SEMA5B: variants seen among roughly 807,000 people sequenced by gnomAD.
SEMA5B encodes the protein semaphorin-5B.
SEMA5B carries 66 observed loss-of-function variants against 135.0 expected under a neutral mutation model. The observed-to-expected ratio is 0.49, with a 90% CI of 0.40 to 0.60. The LOEUF is 0.60. Among genes scored for constraint, SEMA5B ranks in the 20% least tolerant of loss-of-function variants. The pLI, the probability that SEMA5B is intolerant of heterozygous loss-of-function variation, is 0.00. For synonymous variants in SEMA5B, 690 were observed against 639.5 expected, an observed-to-expected ratio of 1.08 and a Z score of -1.19; for missense variants, 1,501 against 1,566.3, an observed-to-expected ratio of 0.96 and a Z score of 0.70.
intron 1 of SEMA5B, among the ~76,000 whole-genome samples, chr3:123,022,956 A>T (rs1262033846): frequency 1.3e-5 from 2 of 152,186 alleles, no homozygotes; most frequent in African/African-American, 4.8e-5. Flanking sequence ...ATTGGAGGAG[A>T]TCCATCTGAA....
chr3:122,934,803 G>C (rs931622086), intron 5 of SEMA5B, among the ~76,000 whole-genome samples: 2 of 149,762 alleles, frequency 1.3e-5, no homozygotes, highest in Non-Finnish European at 2.9e-5. Flanking sequence ...ACAGCTTGAG[G>C]CCAAGAGTTG....
chr3:122,958,714 G>A (rs1293426149), intron 2 of SEMA5B, among the ~76,000 whole-genome samples: 1 of 152,196 alleles, frequency 6.6e-6, no homozygotes, highest in Non-Finnish European at 1.5e-5. Context: ...GAGAGGCAAG[G>A]CAGAGGGAGG....
Position 122,962,419 on chromosome 3 carries a change from G to A in SEMA5B, c.-38-1118C>T, listed in dbSNP as rs116402602. Among the ~76,000 whole-genome samples the A allele has an allele frequency of 2.1e-3, 315 of 152,302 alleles. 2 individuals carry two copies. The highest frequency in any genetic ancestry group is 7.2e-3 in the African/African-American group (300 of 41,560). On this transcript the variant is annotated intron_variant, in intron 1 of 22. Coordinates refer to ENST00000357599, the MANE Select transcript of SEMA5B (RefSeq NM_001031702.4). The stretch of plus-strand genomic sequence containing the variant: ...ATGCAGGCCCGGCGGGTGGTGGAGA[G>A]GGAGGAGCAGAGATGTGGAAATGAC...
At chr3:122,938,979 G>A (rs746933181) in intron 5 of SEMA5B, among the ~76,000 whole-genome samples, 1 of 152,198 alleles carries the variant, frequency 6.6e-6, no homozygotes, top group Non-Finnish European at 1.5e-5. Flanking sequence ...GCTAGGAAAG[G>A]AACTAGGAAC....
intron 1 of SEMA5B, among the ~76,000 whole-genome samples, chr3:123,008,202 T>A (rs924877895): frequency 4.1e-4 from 63 of 152,206 alleles, no homozygotes; most frequent in African/African-American, 1.5e-3. Flanking sequence ...CATCTCAACT[T>A]GGTAAAAATC....
upstream of SEMA5B, chr3:123,027,766 G>A (rs1056785884): frequency 2.0e-5 from 3 of 152,274 alleles, no homozygotes; most frequent in African/African-American, 7.2e-5. Flanking sequence ...GCAGGGAGGA[G>A]GAGACCGCGG....
At chr3:123,003,315 A>G (rs1942227849) in intron 1 of SEMA5B, among the ~76,000 whole-genome samples, 1 of 152,208 alleles carries the variant, frequency 6.6e-6, no homozygotes, top group African/African-American at 2.4e-5. Flanking sequence ...ACACACTATT[A>G]GTTCATCCAC....
At chr3:122,921,773 T>G in intron 12 of SEMA5B, 142 bp downstream of exon 12, 1 of 606,566 alleles carries the variant, frequency 1.6e-6, no homozygotes, top group Middle Eastern at 4.5e-4. Context: ...AGAACCAAGG[T>G]TCAGCGAGGT....
intron 1 of SEMA5B, among the ~76,000 whole-genome samples, chr3:123,019,170 A>G (rs192170321): frequency 6.6e-6 from 1 of 152,312 alleles, no homozygotes; most frequent in East Asian, 1.9e-4. Flanking sequence ...GGATTGAGAA[A>G]AGCCTATGTA....
intron 1 of SEMA5B, among the ~76,000 whole-genome samples, chr3:122,994,302 C>T (rs1941970478): frequency 6.6e-6 from 1 of 152,224 alleles, no homozygotes; most frequent in African/African-American, 2.4e-5. Context: ...AGATTAGCCA[C>T]CTGTAGGTCT....
rs201480319 is a variant in SEMA5B, at chr3:122,999,533, A to ATT, written c.-39+27929_-39+27930dup. Among the ~76,000 whole-genome samples, 90 of 146,886 alleles carry ATT rather than the reference A, an allele frequency of 6.1e-4. 1 individual carries two copies. Among genetic ancestry groups the ATT allele is most frequent in the African/African-American group, 2.2e-3 (89 of 40,264 alleles). On this transcript the variant is annotated intron_variant, in intron 1 of 22. Transcript: ENST00000357599. ...AGCCACCATGCCCGGCCTTAAGTAG[A>ATT]TTTTTTTTTTTTTAAACCCACCAAA...
chr3:123,021,133 C>G (rs1942665027), intron 1 of SEMA5B, among the ~76,000 whole-genome samples: 2 of 152,224 alleles, frequency 1.3e-5, no homozygotes, highest in South Asian at 4.1e-4. Flanking sequence ...CACTGAAAGT[C>G]CAGGCTCTAC....
intron 1 of SEMA5B, chr3:123,027,034 G>C (rs1325746354): frequency 6.6e-6 from 1 of 152,416 alleles, no homozygotes; most frequent in African/African-American, 2.4e-5. Flanking sequence ...CACGCGCCTC[G>C]CCGCCCGCAC....
At chr3:122,961,380 C>T in intron 1 of SEMA5B, 79 bp from the exon 2 acceptor site, 1 of 1,314,560 alleles carries the variant, frequency 7.6e-7, no homozygotes, top group South Asian at 1.4e-5. Context: ...ATAGGCCAGA[C>T]TGCCCCAGGG....
chr3:122,996,487 C>T (rs549071403), intron 1 of SEMA5B, among the ~76,000 whole-genome samples: 88 of 152,342 alleles, frequency 5.8e-4, no homozygotes, highest in Non-Finnish European at 1.0e-3. Flanking sequence ...CGTGCTTCCC[C>T]GCCTTGGCCT....
intron 3 of SEMA5B, among the ~76,000 whole-genome samples, chr3:122,944,734 G>A (rs1939708716): frequency 6.6e-6 from 1 of 152,140 alleles, no homozygotes; most frequent in Admixed American, 6.5e-5. Flanking sequence ...TGCTTAGAAA[G>A]TGCCAGCTGA....
intron 1 of SEMA5B, among the ~76,000 whole-genome samples, chr3:122,964,496 C>T (rs1317482507): frequency 6.6e-6 from 1 of 152,200 alleles, no homozygotes; most frequent in Admixed American, 6.5e-5. Context: ...TGAAAATTTT[C>T]CCATGTTTAA....
intron 1 of SEMA5B, among the ~76,000 whole-genome samples, chr3:122,965,020 T>C (rs1218032856): frequency 6.6e-6 from 1 of 152,168 alleles, no homozygotes; most frequent in Non-Finnish European, 1.5e-5. Flanking sequence ...TGATTCCATG[T>C]GCTGGAGGGA....
chr3:122,994,920 G>A (rs972872913), intron 1 of SEMA5B, among the ~76,000 whole-genome samples: 2 of 152,196 alleles, frequency 1.3e-5, no homozygotes, highest in Non-Finnish European at 2.9e-5. Context: ...CCTGGGAAAC[G>A]GAGGTAGTGG....
Sources: allele counts gnomAD v4.1 joint callset (sites outside exome capture counted in the v4.1 genomes callset), GRCh38; gene constraint gnomAD v4.1.1; transcripts MANE v1.5; gene names NCBI Gene and HGNC (gene_info 2026-07-23, HGNC 2026-07-21).